Variants in LRMDA observed in about 807,000 individuals in gnomAD.
LRMDA encodes leucine rich melanocyte differentiation associated.
LRMDA carries 18 observed loss-of-function variants against 29.8 expected under a neutral mutation model. The observed-to-expected ratio is 0.60, with a 90% confidence interval of 0.42 to 0.90. The LOEUF (loss-of-function observed/expected upper bound fraction) is 0.90. Among genes scored for constraint, LRMDA ranks in the 40% least tolerant of loss-of-function variants. The pLI is 0.00. For missense variants in LRMDA, 273 were observed against 273.9 expected, an observed-to-expected ratio of 1.00 and a Z score of 0.02; for synonymous variants, 125 against 109.4, an observed-to-expected ratio of 1.14 and a Z score of -0.89.
chr10:76,526,398 C>T (rs963489813), intron 6 of LRMDA, among the ~76,000 whole-genome samples: 1 of 152,118 alleles, frequency 6.6e-6, no homozygotes, highest in Non-Finnish European at 1.5e-5. Flanking sequence ...CTGCTCCTGG[C>T]ATCATTTCCT....
At chr10:76,410,308 T>C (rs2132507405) in intron 6 of LRMDA, among the ~76,000 whole-genome samples, 1 of 129,114 alleles carries the variant, frequency 7.7e-6, no homozygotes, top group Non-Finnish European at 1.7e-5. Context: ...CTTTTTTTTT[T>C]TTTTTTTTTT....
intron 5 of LRMDA, among the ~76,000 whole-genome samples, chr10:76,299,949 A>C (rs1265836864): frequency 6.6e-6 from 1 of 151,966 alleles, no homozygotes; most frequent in African/African-American, 2.4e-5. Flanking sequence ...ACTTCCTCAT[A>C]CCTCCCCTAA....
intron 2 of LRMDA, among the ~76,000 whole-genome samples, chr10:75,546,348 G>A (rs1021810422): frequency 1.3e-5 from 2 of 152,092 alleles, no homozygotes; most frequent in Admixed American, 6.6e-5. Flanking sequence ...AATGGTAGAG[G>A]AAAATATCTA....
chr10:75,678,529 C>T (rs1841987910), intron 2 of LRMDA, among the ~76,000 whole-genome samples: 1 of 152,078 alleles, frequency 6.6e-6, no homozygotes, highest in Non-Finnish European at 1.5e-5. Context: ...TTGGTTTTCT[C>T]CAGAAGTCTT....
intron 2 of LRMDA, among the ~76,000 whole-genome samples, chr10:75,697,618 A>G (rs1842252140): frequency 6.6e-6 from 1 of 151,736 alleles, no homozygotes; most frequent in Non-Finnish European, 1.5e-5. Context: ...TCTATGGGAG[A>G]CCAGGTGGAG....
At chr10:76,344,198 AC>A (rs1398095123) in intron 6 of LRMDA, among the ~76,000 whole-genome samples, 1 of 152,180 alleles carries the variant, frequency 6.6e-6, no homozygotes, top group Non-Finnish European at 1.5e-5. Context: ...AGTAAAATAT[AC>A]AGTGAATATG....
chr10:75,453,125 G>T (rs76282612), intron 2 of LRMDA, among the ~76,000 whole-genome samples: 2,457 of 152,184 alleles, frequency 0.016, 27 homozygotes, highest in Non-Finnish European at 0.026. Flanking sequence ...ATGCAGCTTT[G>T]TTTACCCAAA....
chr10:75,679,333 C>T (rs960360361), intron 2 of LRMDA, among the ~76,000 whole-genome samples: 9 of 152,070 alleles, frequency 5.9e-5, no homozygotes, highest in Admixed American at 4.6e-4. Context: ...TTCCTGCGAC[C>T]TCAGAGAGTA....
At chr10:76,359,306 TGAA>T (rs751620423) in intron 6 of LRMDA, among the ~76,000 whole-genome samples, 6 of 152,152 alleles carry the variant, frequency 3.9e-5, no homozygotes, top group Non-Finnish European at 7.4e-5. Flanking sequence ...CCCTGAAACC[TGAA>T]GAAGACATAG....
At chr10:76,059,193 A>G (rs1437802308) in intron 5 of LRMDA, among the ~76,000 whole-genome samples, 1 of 152,090 alleles carries the variant, frequency 6.6e-6, no homozygotes, top group Non-Finnish European at 1.5e-5. Context: ...GCTAGGGAAG[A>G]GTGATTTTCT....
rs190220282 is a variant in LRMDA at position 75,471,125 on chromosome 10, G to A, written c.131+32631G>A. 1.7e-4 allele frequency among the ~76,000 whole-genome samples: 26 copies of A among 151,974 alleles called. No individual in the cohort carries two copies. In the East Asian group the frequency reaches 3.7e-3, roughly 22 times the overall value. ...TTCTTGGTGTCTTCTAGGGACAGAC[G>A]TTTTCTAACTGCCTTTTTAACAACC... On this transcript the variant is annotated intron_variant, in intron 2 of 6. Coordinates refer to ENST00000611255, the MANE Select transcript of LRMDA (RefSeq NM_001305581.2).
intron 5 of LRMDA, among the ~76,000 whole-genome samples, chr10:76,215,275 C>T (rs760072152): frequency 2.6e-5 from 4 of 152,186 alleles, no homozygotes; most frequent in Non-Finnish European, 5.9e-5. Context: ...TCTTCTTGTG[C>T]TCCTAGGACA....
intron 2 of LRMDA, among the ~76,000 whole-genome samples, chr10:75,837,908 G>A (rs574173378): frequency 4.6e-5 from 7 of 152,194 alleles, no homozygotes; most frequent in South Asian, 2.1e-4. Flanking sequence ...TAACTATGTC[G>A]CTAAGGTTTA....
intron 5 of LRMDA, among the ~76,000 whole-genome samples, chr10:76,296,374 C>G (rs1372464514): frequency 1.3e-5 from 2 of 152,186 alleles, no homozygotes; most frequent in African/African-American, 2.4e-5. Flanking sequence ...GGCTTATTCA[C>G]GAGGTGGAGA....
At chr10:76,053,926 C>T (rs1237923284) in intron 4 of LRMDA, among the ~76,000 whole-genome samples, 1 of 152,200 alleles carries the variant, frequency 6.6e-6, no homozygotes. Context: ...TCCAGAAATA[C>T]TGAATCAGAA....
At chr10:76,006,845 TAAGATGAGCCC>T (rs1472210496) in intron 2 of LRMDA, among the ~76,000 whole-genome samples, 5 of 152,114 alleles carry the variant, frequency 3.3e-5, no homozygotes, top group African/African-American at 1.2e-4. Flanking sequence ...GAGGGGAAAG[TAAGATGAGCCC>T]CACATTTTAG....
At chr10:75,630,418 T>G (rs1483916275) in intron 2 of LRMDA, among the ~76,000 whole-genome samples, 1 of 152,220 alleles carries the variant, frequency 6.6e-6, no homozygotes, top group East Asian at 1.9e-4. Flanking sequence ...TCGTTGAGTT[T>G]CTGGCAAGCA....
At chr10:76,079,322 A>G (rs1387443889) in intron 5 of LRMDA, among the ~76,000 whole-genome samples, 1 of 152,212 alleles carries the variant, frequency 6.6e-6, no homozygotes, top group East Asian at 1.9e-4. Context: ...TGTGGAGGGA[A>G]GAATGATAGA....
chr10:75,578,119 TTGGTG>T (rs1174052555), intron 2 of LRMDA, among the ~76,000 whole-genome samples: 1 of 149,744 alleles, frequency 6.7e-6, no homozygotes, highest in Non-Finnish European at 1.5e-5. Flanking sequence ...TCAAGACCCA[TTGGTG>T]TGCTGTATTC....
Sources: allele counts gnomAD v4.1 joint callset (sites outside exome capture counted in the v4.1 genomes callset), GRCh38; gene constraint gnomAD v4.1.1; transcripts MANE v1.5; gene names NCBI Gene and HGNC (gene_info 2026-07-23, HGNC 2026-07-21).